EFCAB6: variants seen among roughly 807,000 people sequenced by gnomAD.
EFCAB6 encodes the protein EF-hand calcium-binding domain-containing protein 6.
A neutral mutation model predicts 169.8 loss-of-function variants in EFCAB6; 156 were observed. The observed-to-expected ratio is 0.92, with a 90% confidence interval of 0.81 to 1.05. The LOEUF is 1.05. Among genes scored for constraint, EFCAB6 ranks in the 50% least tolerant of loss-of-function variants. The probability of loss-of-function intolerance (pLI) is 0.00; values close to 1 mark genes in which losing one functional copy is unlikely to be tolerated. For synonymous variants in EFCAB6, 698 were observed against 676.4 expected, an observed-to-expected ratio of 1.03 and a Z score of -0.50; for missense variants, 1,800 against 1,829.1, an observed-to-expected ratio of 0.98 and a Z score of 0.29.
At chr22:43,639,563 C>A (rs1451049726) in intron 17 of EFCAB6, among the ~76,000 whole-genome samples, 1 of 152,062 alleles carries the variant, frequency 6.6e-6, no homozygotes, top group Non-Finnish European at 1.5e-5. Flanking sequence ...TGTCATTTTT[C>A]TCATGCTGCT....
intron 5 of EFCAB6, among the ~76,000 whole-genome samples, chr22:43,764,361 A>C (rs2061259256): frequency 6.6e-6 from 1 of 152,180 alleles, no homozygotes; most frequent in Non-Finnish European, 1.5e-5. Flanking sequence ...GCTGCAAAAG[A>C]CATGATTTCA....
chr22:43,811,303 AGGGGAGGGGAGCGGAG>A (rs1165092302), intron 1 of EFCAB6, among the ~76,000 whole-genome samples: 1 of 105,382 alleles, frequency 9.5e-6, no homozygotes, highest in Admixed American at 1.2e-4. Flanking sequence ...AGGGGAGGGA[AGGGGAGGGGAGCGGAG>A]GGGAAGGGGA....
intron 10 of EFCAB6, among the ~76,000 whole-genome samples, chr22:43,688,467 T>C (rs2058283446): frequency 6.6e-6 from 1 of 152,248 alleles, no homozygotes. Context: ...TATGGTCCCA[T>C]GACTCAGAGT....
Position 43,631,711 on chromosome 22 carries a change from A to C in EFCAB6, c.2232+394T>G, listed in dbSNP as rs529255446. On this transcript the variant is annotated intron_variant, in intron 19 of 31. Coordinates refer to ENST00000262726, the MANE Select transcript of EFCAB6 (RefSeq NM_022785.4). ...GGTGGGGCTGGTAGCTTTCATCCCCAGCATTTAGCACAGATTCTAGCACAT... is the reference window on the plus strand; with the variant it reads ...GGTGGGGCTGGTAGCTTTCATCCCCCGCATTTAGCACAGATTCTAGCACAT... Among the ~76,000 whole-genome samples, 6 of 152,206 alleles carry C rather than the reference A, an allele frequency of 3.9e-5. No individual in the cohort carries two copies. In the South Asian group the frequency reaches 1.0e-3, roughly 26 times the overall value.
chr22:43,608,633 G>A (rs183749731), intron 21 of EFCAB6, 33 bp from the exon 22 acceptor site: 5 of 1,596,560 alleles, frequency 3.1e-6, no homozygotes, highest in Admixed American at 1.7e-5. Context: ...TTAGGAACAT[G>A]TGAAATGTGC....
At chr22:43,775,493 A>G (rs2061610186) in intron 3 of EFCAB6, among the ~76,000 whole-genome samples, 2 of 152,092 alleles carry the variant, frequency 1.3e-5, no homozygotes, top group Admixed American at 6.5e-5. Context: ...CCCAGCCTGG[A>G]GTTCAGTGGC....
intron 17 of EFCAB6, among the ~76,000 whole-genome samples, chr22:43,639,021 G>T (rs939915913): frequency 6.6e-6 from 1 of 150,836 alleles, no homozygotes; most frequent in African/African-American, 2.4e-5. Flanking sequence ...CTGACCTCAG[G>T]TGATCCGCCC....
In EFCAB6 at chr22:43,796,873, G is replaced by C. The variant is rs565838377; in HGVS notation, c.-8+12122C>G. Among the ~76,000 whole-genome samples, 7 of 152,306 alleles carry C rather than the reference G, an allele frequency of 4.6e-5. No homozygotes were observed. The East Asian group carries it at 1.3e-3, about 29-fold the overall frequency. On this transcript the variant is annotated intron_variant, in intron 2 of 31. Transcript: ENST00000262726. ...GTGAATCTAGGTTCAAGAAAAGCTG[G>C]ATTGTCGAGTGGGCCCTGCTGTCTC...
chr22:43,648,425 G>A (rs1056434240), intron 17 of EFCAB6, among the ~76,000 whole-genome samples: 13 of 152,322 alleles, frequency 8.5e-5, no homozygotes, highest in Admixed American at 2.6e-4. Context: ...GATGCAGCTG[G>A]AGGCCATTAT....
chr22:43,539,108 A>G (rs528488733), intron 28 of EFCAB6, among the ~76,000 whole-genome samples: 1 of 152,226 alleles, frequency 6.6e-6, no homozygotes, highest in East Asian at 1.9e-4. Context: ...TTAAAGACCC[A>G]TGTGATTACC....
intron 17 of EFCAB6, among the ~76,000 whole-genome samples, chr22:43,657,242 T>C (rs913839708): frequency 4.6e-5 from 7 of 152,010 alleles, no homozygotes; most frequent in African/African-American, 1.7e-4. Context: ...CTGTAGTGAG[T>C]TGCGATGGCA....
At chr22:43,535,536 C>T (rs1368314090) in intron 29 of EFCAB6, 1 of 152,228 alleles carries the variant, frequency 6.6e-6, no homozygotes, top group Non-Finnish European at 1.5e-5. Flanking sequence ...CCCACCGGAA[C>T]CTCTGAAGAG....
At chr22:43,604,818 A>G (rs1465552853) in intron 22 of EFCAB6, among the ~76,000 whole-genome samples, 4 of 152,110 alleles carry the variant, frequency 2.6e-5, no homozygotes, top group African/African-American at 4.8e-5. Context: ...ATGTGCATAA[A>G]TTGGGCATTA....
At chr22:43,641,690 G>A (rs2055814795) in intron 17 of EFCAB6, among the ~76,000 whole-genome samples, 2 of 152,102 alleles carry the variant, frequency 1.3e-5, no homozygotes, top group Non-Finnish European at 2.9e-5. Context: ...GGATCCAGGA[G>A]GAAAGGGAGA....
At chr22:43,558,160 A>G (rs2048818262) in intron 26 of EFCAB6, among the ~76,000 whole-genome samples, 1 of 152,260 alleles carries the variant, frequency 6.6e-6, no homozygotes, top group Non-Finnish European at 1.5e-5. Context: ...AAATAAAATC[A>G]ACATGTAAAT....
At chr22:43,609,301 T>C (rs1159702172) in intron 21 of EFCAB6, among the ~76,000 whole-genome samples, 2 of 152,188 alleles carry the variant, frequency 1.3e-5, no homozygotes, top group Non-Finnish European at 2.9e-5. Context: ...CTATTCTACA[T>C]TGTACTGCGG....
intron 2 of EFCAB6, among the ~76,000 whole-genome samples, chr22:43,784,676 TACACACAC>T (rs571679900): frequency 0.087 from 5,502 of 62,958 alleles, 500 homozygotes; most frequent in Middle Eastern, 0.2. Flanking sequence ...TATACATATA[TACACACAC>T]ACACACACAC....
At chr22:43,569,126 G>A (rs557779031) in intron 26 of EFCAB6, among the ~76,000 whole-genome samples, 6 of 152,216 alleles carry the variant, frequency 3.9e-5, no homozygotes, top group African/African-American at 7.2e-5. Context: ...ACCGGGGTTG[G>A]AGGGGGACTC....
intron 20 of EFCAB6, among the ~76,000 whole-genome samples, chr22:43,620,653 G>T (rs1345473233): frequency 6.6e-6 from 1 of 152,122 alleles, no homozygotes; most frequent in African/African-American, 2.4e-5. Context: ...CAGAAAGAGA[G>T]GAATAGCAAC....
Sources: allele counts gnomAD v4.1 joint callset (sites outside exome capture counted in the v4.1 genomes callset), GRCh38; gene constraint gnomAD v4.1.1; transcripts MANE v1.5; gene names NCBI Gene and HGNC (gene_info 2026-07-23, HGNC 2026-07-21).